Variants in PLCL2 observed in about 807,000 individuals in gnomAD.
PLCL2 encodes the protein phospholipase C like 2, also known as inactive phospholipase C-like protein 2.
Under a neutral mutation model 79.6 loss-of-function variants are expected in PLCL2, and 4 were observed. That is an observed-to-expected ratio of 0.05 (90% CI 0.02 to 0.11). The LOEUF is 0.11. Ranked by LOEUF, PLCL2 falls within the 10% of genes least tolerant of loss-of-function variation. The pLI is 1.00. For missense variants in PLCL2, 895 were observed against 1,291.0 expected, an observed-to-expected ratio of 0.69 and a Z score of 4.70; for synonymous variants, 484 against 457.7, an observed-to-expected ratio of 1.06 and a Z score of -0.73.
rs142605110 is a variant in PLCL2, at chr3:17,065,750, T to C, written c.3095-2206T>C. Among the ~76,000 whole-genome samples the C allele has an allele frequency of 5.0e-3, 757 of 152,344 alleles. 6 individuals carry two copies. The highest frequency in any genetic ancestry group is 0.017 in the African/African-American group (694 of 41,576). ...GTTGTAATATGTGGTCCTGCGTTAG[T>C]TAACATCACTTGCATTTTTCCTCCC... On this transcript the variant is annotated intron_variant, in intron 4 of 5. Transcript: ENST00000615277.
intron 3 of PLCL2, among the ~76,000 whole-genome samples, chr3:17,033,613 A>C (rs1435415609): frequency 6.6e-6 from 1 of 152,124 alleles, no homozygotes; most frequent in African/African-American, 2.4e-5. Context: ...CACCCCTCAA[A>C]CATCCACCAT....
At chr3:16,938,401 AAG>A (rs1430119804) in intron 1 of PLCL2, among the ~76,000 whole-genome samples, 1 of 152,170 alleles carries the variant, frequency 6.6e-6, no homozygotes, top group Non-Finnish European at 1.5e-5. Flanking sequence ...AAAGAAATAC[AAG>A]AAGCCTCAGC....
intron 4 of PLCL2, among the ~76,000 whole-genome samples, chr3:17,061,328 C>G (rs976333144): frequency 2.6e-5 from 4 of 152,026 alleles, no homozygotes; most frequent in Admixed American, 2.6e-4. Context: ...TGGTTTTCAT[C>G]TAAGTTTGTT....
chr3:16,918,529 A>C (rs1000348455), intron 1 of PLCL2, among the ~76,000 whole-genome samples: 24 of 152,288 alleles, frequency 1.6e-4, no homozygotes, highest in African/African-American at 5.8e-4. Flanking sequence ...AAAGTCCCCT[A>C]ATGTTAATGG....
chr3:17,065,235 G>A (rs1176151803), intron 4 of PLCL2, among the ~76,000 whole-genome samples: 1 of 152,072 alleles, frequency 6.6e-6, no homozygotes, highest in Non-Finnish European at 1.5e-5. Context: ...TAAAATATGA[G>A]CTTTTTAGAT....
At chr3:17,072,107 G>C (rs1425493852) in intron 5 of PLCL2, among the ~76,000 whole-genome samples, 1 of 152,100 alleles carries the variant, frequency 6.6e-6, no homozygotes, top group Non-Finnish European at 1.5e-5. Flanking sequence ...GATTACAGGT[G>C]TGAGCCATCA....
chr3:16,916,829 G>A (rs76472873), intron 1 of PLCL2, among the ~76,000 whole-genome samples: 5 of 152,006 alleles, frequency 3.3e-5, no homozygotes, highest in Non-Finnish European at 7.4e-5. Context: ...GGTATTCAAG[G>A]CTGTATGGTT....
At chr3:16,943,992 C>G (rs562169242) in intron 1 of PLCL2, among the ~76,000 whole-genome samples, 4 of 152,240 alleles carry the variant, frequency 2.6e-5, no homozygotes, top group Non-Finnish European at 4.4e-5. Context: ...GCCTTCAACT[C>G]ATAGCTTTCC....
chr3:16,915,878 G>T (rs114040876), intron 1 of PLCL2, among the ~76,000 whole-genome samples: 1,666 of 152,244 alleles, frequency 0.011, 34 homozygotes, highest in African/African-American at 0.038. Context: ...AAGGAGGGAC[G>T]CCTCATTCAG....
At chr3:17,029,459 G>C (rs2064558014) in intron 3 of PLCL2, among the ~76,000 whole-genome samples, 1 of 152,016 alleles carries the variant, frequency 6.6e-6, no homozygotes. Context: ...TGATAGGAGA[G>C]AAACCTGGTT....
At chr3:16,976,694 G>A (rs2063930352) in intron 1 of PLCL2, among the ~76,000 whole-genome samples, 1 of 152,160 alleles carries the variant, frequency 6.6e-6, no homozygotes, top group African/African-American at 2.4e-5. Context: ...AAGGAAAAAG[G>A]GTCATTAGGT....
intron 1 of PLCL2, among the ~76,000 whole-genome samples, chr3:17,001,625 T>G (rs2064212272): frequency 6.6e-6 from 1 of 152,124 alleles, no homozygotes; most frequent in South Asian, 2.1e-4. Context: ...TTCCTTAATG[T>G]ATGTTCTTGG....
At chr3:17,019,642 T>A (rs2064426228) in intron 3 of PLCL2, among the ~76,000 whole-genome samples, 1 of 152,166 alleles carries the variant, frequency 6.6e-6, no homozygotes, top group Non-Finnish European at 1.5e-5. Flanking sequence ...CCCATAAAGA[T>A]AGAAAATTCT....
chr3:17,004,369 T>C (rs1037572566), intron 1 of PLCL2, among the ~76,000 whole-genome samples: 2 of 152,086 alleles, frequency 1.3e-5, no homozygotes, highest in African/African-American at 4.8e-5. Flanking sequence ...GGTGAGCTTT[T>C]GGAATACAGA....
intron 1 of PLCL2, among the ~76,000 whole-genome samples, chr3:16,955,290 C>T (rs1177543431): frequency 6.6e-6 from 1 of 152,034 alleles, no homozygotes; most frequent in Non-Finnish European, 1.5e-5. Context: ...GGGAATCTTT[C>T]CTCCCATTTC....
At chr3:17,071,788 A>C (rs2065062625) in intron 5 of PLCL2, among the ~76,000 whole-genome samples, 1 of 152,072 alleles carries the variant, frequency 6.6e-6, no homozygotes, top group Non-Finnish European at 1.5e-5. Context: ...CTAATGTCTC[A>C]GATATTATAA....
At chr3:16,906,395 TA>T (rs771233514) in intron 1 of PLCL2, among the ~76,000 whole-genome samples, 104 of 152,338 alleles carry the variant, frequency 6.8e-4, no homozygotes, top group Middle Eastern at 6.8e-3. Context: ...GCATTAAGCA[TA>T]TTATTAATTT....
chr3:17,033,006 CA>C, intron 3 of PLCL2, among the ~76,000 whole-genome samples: 1 of 152,054 alleles, frequency 6.6e-6, no homozygotes. Flanking sequence ...TTTGAAAATT[CA>C]ACTAGCTACC....
rs774166509 is a variant in PLCL2, at chr3:16,962,038, GA to G, written c.328-47635del. Among the ~76,000 whole-genome samples, 5 of 152,284 alleles carry G rather than the reference GA, an allele frequency of 3.3e-5. No homozygotes were observed. In the East Asian group the frequency reaches 9.7e-4, roughly 29 times the overall value. On this transcript the variant is annotated intron_variant, in intron 1 of 5. Transcript: ENST00000615277. Reference sequence around the variant, plus strand: ...TGAGCAAGCTGAATGGCAGTTGAAAGATCCAATATCCACAGGGATTATGGGG... The same window carrying G: ...TGAGCAAGCTGAATGGCAGTTGAAAGTCCAATATCCACAGGGATTATGGGG...
Sources: gnomAD v4.1 joint callset for allele counts (sites outside exome capture counted in the v4.1 genomes callset) on GRCh38, gnomAD v4.1.1 for gene constraint, MANE v1.5 for transcripts, NCBI Gene and HGNC (gene_info 2026-07-23, HGNC 2026-07-21) for gene names.